The following SGMS1 variants were observed in gnomAD, a reference collection of about 807,000 sequenced individuals.
SGMS1 encodes phosphatidylcholine:ceramide cholinephosphotransferase 1.
In SGMS1, 13 loss-of-function variants were observed where a neutral mutation model predicts 46.2. The ratio of observed to expected loss-of-function variants is 0.28; its 90% CI spans 0.18 to 0.45. The LOEUF (loss-of-function observed/expected upper bound fraction) is 0.45. Ranked by LOEUF, SGMS1 falls within the 20% of genes least tolerant of loss-of-function variation. SGMS1 has a pLI of 1.00. For synonymous variants in SGMS1, 203 were observed against 187.8 expected (o/e 1.08, Z -0.66); for missense variants, 324 against 519.9 (o/e 0.62, Z 3.66).
chr10:50,349,468 A>G (rs1377928421), intron 6 of SGMS1, among the ~76,000 whole-genome samples: 1 of 152,220 alleles, frequency 6.6e-6, no homozygotes, highest in East Asian at 1.9e-4. Context: ...CCTTCTCGAC[A>G]AAGTCCTTTA....
chr10:50,362,146 AC>A (rs1333295475), intron 6 of SGMS1, among the ~76,000 whole-genome samples: 13 of 152,350 alleles, frequency 8.5e-5, no homozygotes, highest in Admixed American at 7.8e-4. Flanking sequence ...CAGAACATGG[AC>A]CCAGTGATGC....
intron 6 of SGMS1, among the ~76,000 whole-genome samples, chr10:50,386,956 C>A (rs983422298): frequency 6.6e-6 from 1 of 152,098 alleles, no homozygotes; most frequent in African/African-American, 2.4e-5. Flanking sequence ...AGGTGAGGAA[C>A]CTAGGTACTC....
chr10:50,612,146 G>A (rs528768887), intron 1 of SGMS1, among the ~76,000 whole-genome samples: 1 of 152,290 alleles, frequency 6.6e-6, no homozygotes, highest in Non-Finnish European at 1.5e-5. Context: ...CTCCATCTGT[G>A]ACTATTGGGA....
intron 8 of SGMS1, among the ~76,000 whole-genome samples, chr10:50,313,106 T>A (rs967172220): frequency 2.1e-4 from 32 of 152,236 alleles, no homozygotes. Flanking sequence ...GACTTGGCCA[T>A]GAATAGCATT....
intron 6 of SGMS1, among the ~76,000 whole-genome samples, chr10:50,404,679 T>C (rs375499190): frequency 6.6e-6 from 1 of 152,212 alleles, no homozygotes; most frequent in Admixed American, 6.5e-5. Context: ...ATTTTCCCAC[T>C]GATGTAGCAA....
chr10:50,624,969 G>C, upstream of SGMS1: 1 of 1,036,584 alleles, frequency 9.6e-7, no homozygotes, highest in Non-Finnish European at 1.2e-6. Context: ...CCCGGCCATC[G>C]GGCCGCGGGC....
intron 7 of SGMS1, among the ~76,000 whole-genome samples, chr10:50,339,628 T>C (rs1847778906): frequency 6.6e-6 from 1 of 152,222 alleles, no homozygotes; most frequent in African/African-American, 2.4e-5. Context: ...CCAGGGTCTA[T>C]CGGTGCCTGA....
intron 2 of SGMS1, among the ~76,000 whole-genome samples, chr10:50,563,147 T>C (rs1838256425): frequency 1.3e-5 from 2 of 152,162 alleles, no homozygotes; most frequent in African/African-American, 4.8e-5. Flanking sequence ...TGTTAGGCAC[T>C]CTGCAGCATC....
chr10:50,417,412 CAAAAA>C lies in SGMS1; in HGVS notation c.-232+16059_-232+16063del, dbSNP rs965340297. On this transcript the variant is annotated intron_variant, in intron 6 of 10. Coordinates refer to ENST00000361781, the MANE Select transcript of SGMS1 (RefSeq NM_147156.4). ...TTGGTATAACTACACAAAACAAACACAAAAATAAAATAAAATAAAATAAAATAAAA... is the reference window on the plus strand; with the variant it reads ...TTGGTATAACTACACAAAACAAACACTAAAATAAAATAAAATAAAATAAAA... Among the ~76,000 whole-genome samples the C allele has an allele frequency of 1.3e-4, 13 of 98,652 alleles. 1 individual carries two copies. The East Asian group carries it at 4.1e-3, about 31-fold the overall frequency. The allele number at this position is 98,652 out of a possible 152,430, so 64.7% of individuals were successfully genotyped here.
At chr10:50,509,921 A>G (rs1837739263) in intron 3 of SGMS1, among the ~76,000 whole-genome samples, 2 of 152,194 alleles carry the variant, frequency 1.3e-5, no homozygotes, top group South Asian at 4.1e-4. Context: ...TATAATTTGC[A>G]TGCAGTAATC....
intron 7 of SGMS1, 33 bp downstream of exon 7, chr10:50,343,459 A>G: frequency 6.5e-7 from 1 of 1,537,346 alleles, no homozygotes; most frequent in Non-Finnish European, 8.7e-7. Flanking sequence ...AAATCCCATA[A>G]TCATTGAATC....
Position 50,491,805 on chromosome 10 carries a change from C to A in SGMS1, c.-497-24873G>T, listed in dbSNP as rs372307081. Among the ~76,000 whole-genome samples, 171 of 152,258 alleles carry A rather than the reference C, an allele frequency of 1.1e-3. 2 individuals carry two copies. The highest frequency in any genetic ancestry group is 4.0e-3 in the African/African-American group (167 of 41,560). ...AAAACTGATGGGGAGGTACTCCTCCCAAACTCATTCTATGAGGCCAGCATC... is the reference window on the plus strand; with the variant it reads ...AAAACTGATGGGGAGGTACTCCTCCAAAACTCATTCTATGAGGCCAGCATC... On this transcript the variant is annotated intron_variant, in intron 3 of 10. Coordinates refer to ENST00000361781, the MANE Select transcript of SGMS1 (RefSeq NM_147156.4).
intron 3 of SGMS1, among the ~76,000 whole-genome samples, chr10:50,491,589 C>T (rs1049298644): frequency 3.3e-5 from 5 of 152,104 alleles, no homozygotes; most frequent in Non-Finnish European, 5.9e-5. Context: ...AATTCCTGGA[C>T]ACATACACCC....
At chr10:50,575,633 G>T (rs191754246) in intron 2 of SGMS1, among the ~76,000 whole-genome samples, 14 of 152,068 alleles carry the variant, frequency 9.2e-5, no homozygotes, top group Non-Finnish European at 1.8e-4. Context: ...AAAGGACACA[G>T]GAAACTTTTG....
chr10:50,336,058 T>C (rs779990856), intron 7 of SGMS1: 3 of 152,138 alleles, frequency 2.0e-5, no homozygotes, highest in Non-Finnish European at 4.4e-5. Flanking sequence ...GAATGAAAGG[T>C]GAGGCACAAT....
chr10:50,541,440 A>G (rs1209659244), intron 2 of SGMS1, among the ~76,000 whole-genome samples: 2 of 152,222 alleles, frequency 1.3e-5, no homozygotes, highest in Non-Finnish European at 2.9e-5. Flanking sequence ...TTGACTATCT[A>G]ATACATCATG....
chr10:50,380,425 G>A (rs16931201), intron 6 of SGMS1, among the ~76,000 whole-genome samples: 2,502 of 151,510 alleles, frequency 0.017, 68 homozygotes, highest in African/African-American at 0.057. Flanking sequence ...GTTGCAAGCT[G>A]TAAAAATAAC....
chr10:50,322,887 A>G (rs929023816), intron 8 of SGMS1, among the ~76,000 whole-genome samples: 3 of 149,556 alleles, frequency 2.0e-5, no homozygotes, highest in Non-Finnish European at 4.4e-5. Context: ...TGTTTTCAGG[A>G]TGGAACACAC....
At chr10:50,401,164 T>C (rs1848935140) in intron 6 of SGMS1, among the ~76,000 whole-genome samples, 1 of 152,220 alleles carries the variant, frequency 6.6e-6, no homozygotes, top group Admixed American at 6.5e-5. Context: ...AGCAAATTTC[T>C]GCCTTGCTGA....
Sources: gnomAD v4.1 joint callset for allele counts (sites outside exome capture counted in the v4.1 genomes callset) on GRCh38, gnomAD v4.1.1 for gene constraint, MANE v1.5 for transcripts, NCBI Gene and HGNC (gene_info 2026-07-23, HGNC 2026-07-21) for gene names.